NPEPPS: variants seen among roughly 807,000 people sequenced by gnomAD.
NPEPPS encodes the protein puromycin-sensitive aminopeptidase.
In NPEPPS, 14 loss-of-function variants were observed where a neutral mutation model predicts 115.5. The ratio of observed to expected loss-of-function variants is 0.12; its 90% CI spans 0.08 to 0.19. The LOEUF (loss-of-function observed/expected upper bound fraction) is 0.19, where lower values mean the gene tolerates loss of function less well. NPEPPS is among the 10% of genes least tolerant of loss of function. The pLI is 1.00. For synonymous variants in NPEPPS, 285 were observed against 390.6 expected (o/e 0.73, Z 3.19); for missense variants, 523 against 1,110.8 (o/e 0.47, Z 7.52).
chr17:47,621,904 C>T lies in NPEPPS; in HGVS notation c.2744C>T (p.Ser915Leu). The T allele has an allele frequency of 6.2e-7, 1 of 1,612,400 alleles. No individual in the cohort carries two copies. The highest frequency in any genetic ancestry group is 1.1e-5 in the South Asian group (1 of 90,854). ...IHQYLLQRKASPPTV is the reference protein window; with the variant it reads ...IHQYLLQRKALPPTV ...CAGTACCTCCTTCAGCGGAAGGCCT[C>T]ACCACCCACAGTGTGAATCCTGAGG... The change falls in exon 23 of 23, where the codon TCA becomes TTA. Residue 915 changes from serine to leucine, a missense_variant. Transcript: ENST00000322157.
chr17:47,548,590 C>CTTTTTTTTTTT (rs538733982), intron 2 of NPEPPS, among the ~76,000 whole-genome samples: 1 of 104,726 alleles, frequency 9.5e-6, no homozygotes. Flanking sequence ...CTGAAAAGTT[C>CTTTTTTTTTTT]TTTTTTTTTT....
chr17:47,540,570 A>T (rs1908677294), intron 1 of NPEPPS, among the ~76,000 whole-genome samples: 1 of 152,242 alleles, frequency 6.6e-6, no homozygotes, highest in Non-Finnish European at 1.5e-5. Context: ...GATATTTTAA[A>T]TTACCTTCTT....
intron 1 of NPEPPS, among the ~76,000 whole-genome samples, chr17:47,543,416 C>G (rs577115362): frequency 6.6e-6 from 1 of 150,610 alleles, no homozygotes; most frequent in Non-Finnish European, 1.5e-5. Flanking sequence ...TGCCTGGGTT[C>G]AAGTGATTCT....
intron 2 of NPEPPS, among the ~76,000 whole-genome samples, chr17:47,565,122 C>T (rs2143788258): frequency 6.6e-6 from 1 of 152,174 alleles, no homozygotes; most frequent in Admixed American, 6.5e-5. Context: ...AGGCAACAAG[C>T]AAATATGTGA....
chr17:47,565,888 CT>C, intron 2 of NPEPPS, among the ~76,000 whole-genome samples: 1 of 152,244 alleles, frequency 6.6e-6, no homozygotes, highest in Admixed American at 6.5e-5. Context: ...TGGAGAAAGA[CT>C]TTGCAATCAG....
chr17:47,536,204 A>G (rs1908241323), intron 1 of NPEPPS, among the ~76,000 whole-genome samples: 1 of 152,090 alleles, frequency 6.6e-6, no homozygotes, highest in Admixed American at 6.6e-5. Flanking sequence ...GCCAGAAATC[A>G]GGATATCCTA....
chr17:47,529,950 A>C (rs182867080), upstream of NPEPPS, among the ~76,000 whole-genome samples: 1 of 46,522 alleles, frequency 2.1e-5, no homozygotes, highest in Non-Finnish European at 5.9e-5. Flanking sequence ...TTATTTATTT[A>C]TTTTGAGACA....
chr17:47,569,322 C>T (rs1464162737), intron 2 of NPEPPS, 95 bp from the exon 3 acceptor site: 2 of 752,598 alleles, frequency 2.7e-6, no homozygotes, highest in Non-Finnish European at 4.4e-6. Context: ...GAATATTTTG[C>T]TTTTGTAGAG....
intron 1 of NPEPPS, among the ~76,000 whole-genome samples, chr17:47,533,155 A>G (rs918092109): frequency 1.7e-4 from 26 of 152,242 alleles, no homozygotes; most frequent in Admixed American, 1.1e-3. Context: ...ATAGTTATCT[A>G]TACTTATCTG....
chr17:47,619,778 G>A lies in NPEPPS; in HGVS notation c.2601G>A (p.Glu867=), dbSNP rs771324665. The change falls in exon 22 of 23, where the codon GAG becomes GAA. Residue 867 remains glutamate (E), a synonymous_variant. Coordinates refer to ENST00000322157, the MANE Select transcript of NPEPPS (RefSeq NM_006310.4). ...TTGCAGTTGATAAAATGGCTGGAGA[G>A]GTTAAGGTAAGGAAAATACTGTTTA... ...EGFAVDKMAG[E]VKAFFESHPA... The A allele has an allele frequency of 5.0e-6, 8 of 1,612,458 alleles. No individual in the cohort carries two copies. Among genetic ancestry groups the A allele is most frequent in the East Asian group, 2.2e-5 (1 of 44,878 alleles).
intron 2 of NPEPPS, among the ~76,000 whole-genome samples, chr17:47,550,012 G>A (rs1000441521): frequency 6.7e-6 from 1 of 149,498 alleles, no homozygotes; most frequent in Non-Finnish European, 1.5e-5. Flanking sequence ...TCGGCTCACT[G>A]CAAGCTCTGC....
At chr17:47,563,116 C>T (rs1399403682) in intron 2 of NPEPPS, among the ~76,000 whole-genome samples, 1 of 151,566 alleles carries the variant, frequency 6.6e-6, no homozygotes, top group Admixed American at 6.6e-5. Flanking sequence ...ACTGCAACCT[C>T]CACCTCCCCG....
intron 2 of NPEPPS, among the ~76,000 whole-genome samples, chr17:47,563,655 C>G (rs992884699): frequency 2.0e-5 from 3 of 151,834 alleles, no homozygotes; most frequent in African/African-American, 7.3e-5. Context: ...GCTGCAAGCT[C>G]CGCCTCCCGA....
intron 17 of NPEPPS, among the ~76,000 whole-genome samples, chr17:47,611,612 A>G (rs1317300404): frequency 6.6e-6 from 1 of 152,090 alleles, no homozygotes; most frequent in Non-Finnish European, 1.5e-5. Flanking sequence ...AACTGGGCCT[A>G]CAGACATATG....
At chr17:47,585,471 T>G (rs747012845) in intron 5 of NPEPPS, 29 bp from the exon 6 acceptor site, 55 of 1,541,504 alleles carry the variant, frequency 3.6e-5, no homozygotes, top group Non-Finnish European at 3.7e-5. Context: ...TAAACCTATT[T>G]AAATTTTTCT....
At chr17:47,530,528 T>C (rs1358107577), upstream of NPEPPS, among the ~76,000 whole-genome samples, 1 of 151,182 alleles carries the variant, frequency 6.6e-6, no homozygotes, top group South Asian at 2.1e-4. Flanking sequence ...GGCTAATTTT[T>C]TGTACTTTTA....
intron 1 of NPEPPS, among the ~76,000 whole-genome samples, chr17:47,542,995 G>T (rs1467854942): frequency 6.6e-6 from 1 of 151,772 alleles, no homozygotes; most frequent in East Asian, 2.0e-4. Context: ...AAATTAGATG[G>T]GTGTGGTGGT....
In NPEPPS at chr17:47,533,650, A is replaced by G. The variant is rs185071953; in HGVS notation, c.255+2095A>G. Among the ~76,000 whole-genome samples the G allele has an allele frequency of 2.5e-3, 382 of 152,302 alleles. 3 individuals carry two copies. Among genetic ancestry groups the G allele is most frequent in the African/African-American group, 8.7e-3 (362 of 41,568 alleles). On this transcript the variant is annotated intron_variant, in intron 1 of 22. Transcript: ENST00000322157. ...TTAAAGAAGTGAGTTTGATTTAAGT[A>G]TCGGGATAGAACAACAAGCAGTGAC...
At chr17:47,557,449 A>G (rs1450508514) in intron 2 of NPEPPS, 6 of 144,348 alleles carry the variant, frequency 4.2e-5, no homozygotes, top group African/African-American at 9.8e-5. Flanking sequence ...TAACTCATCA[A>G]TCATAGCCAG....
Sources: allele counts gnomAD v4.1 joint callset (sites outside exome capture counted in the v4.1 genomes callset), GRCh38; gene constraint gnomAD v4.1.1; transcripts MANE v1.5; gene names NCBI Gene and HGNC (gene_info 2026-07-23, HGNC 2026-07-21).